MAGI2: variants seen among roughly 807,000 people sequenced by gnomAD.
MAGI2 encodes the protein membrane-associated guanylate kinase, WW and PDZ domain-containing protein 2.
A neutral mutation model predicts 133.3 loss-of-function variants in MAGI2; 35 were observed. The observed-to-expected ratio is 0.26, with a 90% confidence interval of 0.20 to 0.35. MAGI2 has a LOEUF of 0.35. MAGI2 is among the 10% of genes least tolerant of loss of function. The probability of loss-of-function intolerance (pLI) is 1.00; values close to 1 mark genes in which losing one functional copy is unlikely to be tolerated. For missense variants in MAGI2, 1,636 were observed against 1,863.4 expected (o/e 0.88, Z 2.25); for synonymous variants, 729 against 710.6 (o/e 1.03, Z -0.41).
chr7:78,826,375 G>A (rs1183549997), intron 2 of MAGI2, among the ~76,000 whole-genome samples: 6 of 146,998 alleles, frequency 4.1e-5, no homozygotes, highest in Non-Finnish European at 7.5e-5. Flanking sequence ...AAAAAAAAGA[G>A]TATATTAATA....
intron 1 of MAGI2, among the ~76,000 whole-genome samples, chr7:79,081,214 G>T (rs1012096997): frequency 3.9e-5 from 6 of 152,028 alleles, no homozygotes; most frequent in Admixed American, 3.9e-4. Context: ...CTCCTACCCT[G>T]TCTCTGCTTA....
At chr7:79,070,472 T>G (rs1814849422) in intron 1 of MAGI2, among the ~76,000 whole-genome samples, 1 of 151,242 alleles carries the variant, frequency 6.6e-6, no homozygotes, top group African/African-American at 2.4e-5. Context: ...TTTTTTTATT[T>G]TTTATTATTT....
chr7:78,614,463 G>A (rs1023692020), intron 3 of MAGI2: 4 of 152,008 alleles, frequency 2.6e-5, no homozygotes, highest in Non-Finnish European at 5.9e-5. Flanking sequence ...TTCATTAGTT[G>A]CTTTACAAAT....
chr7:78,357,744 G>A (rs1238659587), intron 7 of MAGI2, among the ~76,000 whole-genome samples: 1 of 151,964 alleles, frequency 6.6e-6, no homozygotes, highest in African/African-American at 2.4e-5. Flanking sequence ...ACAACAAAGA[G>A]CCTTTTTTTT....
intron 2 of MAGI2, among the ~76,000 whole-genome samples, chr7:78,834,001 T>G (rs1791410075): frequency 6.6e-6 from 1 of 152,194 alleles, no homozygotes; most frequent in Admixed American, 6.5e-5. Flanking sequence ...CCCTATACTT[T>G]AAAATTCAGT....
At chr7:78,919,670 T>A (rs1187740153) in intron 2 of MAGI2, among the ~76,000 whole-genome samples, 1 of 152,128 alleles carries the variant, frequency 6.6e-6, no homozygotes, top group Non-Finnish European at 1.5e-5. Context: ...TATAACATGA[T>A]ATTTCAAACT....
chr7:79,180,268 T>C (rs1441345445), intron 1 of MAGI2, among the ~76,000 whole-genome samples: 2 of 151,976 alleles, frequency 1.3e-5, no homozygotes, highest in South Asian at 2.1e-4. Context: ...ACAGATGTTG[T>C]TGAGAGTATT....
intron 2 of MAGI2, among the ~76,000 whole-genome samples, chr7:78,649,237 A>AAAAAAAAAAG (rs1563294737): frequency 1.5e-5 from 1 of 65,488 alleles, no homozygotes; most frequent in African/African-American, 4.9e-5. Context: ...AAAAAAAAAG[A>AAAAAAAAAAG]AAAAAAAAGA....
At chr7:78,117,314 AT>A (rs1819966220) in intron 20 of MAGI2, among the ~76,000 whole-genome samples, 1 of 152,148 alleles carries the variant, frequency 6.6e-6, no homozygotes, top group Non-Finnish European at 1.5e-5. Flanking sequence ...TGATCAATGC[AT>A]AAAAATGATA....
chr7:79,216,955 G>A (rs1375283013), intron 1 of MAGI2, among the ~76,000 whole-genome samples: 1 of 151,938 alleles, frequency 6.6e-6, no homozygotes, highest in East Asian at 1.9e-4. Flanking sequence ...CAATATATTA[G>A]CCAATATTCA....
intron 2 of MAGI2, among the ~76,000 whole-genome samples, chr7:78,737,930 A>G (rs1042275091): frequency 2.6e-5 from 4 of 152,102 alleles, no homozygotes; most frequent in Non-Finnish European, 2.9e-5. Flanking sequence ...GTAAGGAGAA[A>G]ATATTAAAAC....
rs546618258 is a variant in MAGI2 at position 79,225,795 on chromosome 7, A to T, written c.302-218589T>A. Reference sequence around the variant, plus strand: ...GATGAGGATAATCCATGCAAATTAAACTGCTCAACTGAGCCTGTTTTGTAA... The same window carrying T: ...GATGAGGATAATCCATGCAAATTAATCTGCTCAACTGAGCCTGTTTTGTAA... On this transcript the variant is annotated intron_variant, in intron 1 of 21. Transcript: ENST00000354212. Among the ~76,000 whole-genome samples the T allele has an allele frequency of 2.6e-5, 4 of 152,302 alleles. No individual in the cohort carries two copies. The South Asian group carries it at 8.3e-4, about 32-fold the overall frequency.
In MAGI2 at chr7:79,258,777, A is replaced by G. The variant is rs1585351048; in HGVS notation, c.301+194243T>C. Among the ~76,000 whole-genome samples the G allele has an allele frequency of 2.6e-5, 4 of 152,206 alleles. No individual in the cohort carries two copies. In the South Asian group the frequency reaches 8.3e-4, roughly 31 times the overall value. Reference sequence around the variant, plus strand: ...CCCAAGAGGCTGGGACTATAGGCACATGCCTGCATGCTAGGCAAAAAAAAG... The same window carrying G: ...CCCAAGAGGCTGGGACTATAGGCACGTGCCTGCATGCTAGGCAAAAAAAAG... On this transcript the variant is annotated intron_variant, in intron 1 of 21. Transcript: ENST00000354212.
At chr7:79,299,693 T>A (rs1415384805) in intron 1 of MAGI2, among the ~76,000 whole-genome samples, 3 of 151,888 alleles carry the variant, frequency 2.0e-5, no homozygotes, top group African/African-American at 7.3e-5. Context: ...AAACGATAAT[T>A]GATCAGTGAT....
chr7:79,400,623 C>T (rs1346551699), intron 1 of MAGI2, among the ~76,000 whole-genome samples: 3 of 152,096 alleles, frequency 2.0e-5, no homozygotes. Flanking sequence ...AGTATATTCC[C>T]TTGTCATGAT....
chr7:78,103,852 G>T (rs1256760958), intron 20 of MAGI2, among the ~76,000 whole-genome samples: 1 of 152,230 alleles, frequency 6.6e-6, no homozygotes, highest in East Asian at 1.9e-4. Flanking sequence ...CTTTATACTT[G>T]TATTTAGTGC....
chr7:79,240,873 C>T (rs1006010434), intron 1 of MAGI2, among the ~76,000 whole-genome samples: 3 of 152,160 alleles, frequency 2.0e-5, no homozygotes, highest in African/African-American at 7.2e-5. Flanking sequence ...CAGGTACTCA[C>T]AGCTCTAGAT....
chr7:78,058,930 G>A (rs889604044), intron 21 of MAGI2, among the ~76,000 whole-genome samples: 1 of 152,216 alleles, frequency 6.6e-6, no homozygotes, highest in African/African-American at 2.4e-5. Context: ...AGTTTCTAAC[G>A]TGGGGATACT....
intron 2 of MAGI2, among the ~76,000 whole-genome samples, chr7:78,689,549 C>T (rs1816729671): frequency 6.6e-6 from 1 of 152,118 alleles, no homozygotes; most frequent in Non-Finnish European, 1.5e-5. Context: ...TACTCCTTCG[C>T]AGTTTTCTCT....
Sources: gnomAD v4.1 joint callset for allele counts (sites outside exome capture counted in the v4.1 genomes callset) on GRCh38, gnomAD v4.1.1 for gene constraint, MANE v1.5 for transcripts, NCBI Gene and HGNC (gene_info 2026-07-23, HGNC 2026-07-21) for gene names.